Variants in PFAS observed in about 807,000 individuals in gnomAD.
PFAS encodes phosphoribosylformylglycinamidine synthase, also known as FGAM synthase.
PFAS carries 97 observed loss-of-function variants against 140.6 expected under a neutral mutation model. The ratio of observed to expected loss-of-function variants is 0.69; its 90% confidence interval spans 0.59 to 0.82. PFAS has a LOEUF of 0.82. PFAS is among the 40% of genes least tolerant of loss of function. PFAS has a pLI of 0.00. For synonymous variants in PFAS, 679 were observed against 718.8 expected, an observed-to-expected ratio of 0.94 and a Z score of 0.88; for missense variants, 1,656 against 1,780.2, an observed-to-expected ratio of 0.93 and a Z score of 1.26.
chr17:8,253,705 A>C, intron 1 of PFAS, 154 bp from the exon 2 acceptor site: 1 of 346,140 alleles, frequency 2.9e-6, no homozygotes, highest in Non-Finnish European at 5.0e-6. Flanking sequence ...ACACCCAGCT[A>C]ATTTTATATT....
rs1309505531 is a variant in PFAS at position 8,255,710 on chromosome 17, A to C, written c.574+19A>C. 3 of 1,592,174 alleles carry C rather than the reference A, an allele frequency of 1.9e-6. No homozygotes were observed. The highest frequency in any genetic ancestry group is 2.7e-5 in the African/African-American group (2 of 73,884). ...GAGCTTGGTGAGTAGCTGGGGAGGG[A>C]GATGTAGGGTCCAGGATAGGCCAGT... is the stretch of plus-strand genomic sequence containing the variant. On this transcript the variant is annotated intron_variant, in intron 5 of 27. Coordinates refer to ENST00000314666, the MANE Select transcript of PFAS (RefSeq NM_012393.3).
chr17:8,269,319 C>T lies in PFAS; in HGVS notation c.*55C>T. The T allele has an allele frequency of 3.1e-6, 4 of 1,295,740 alleles. No homozygotes were observed. In the South Asian group the frequency reaches 4.1e-5, roughly 13 times the overall value. 80.3% of individuals were successfully genotyped at this position (1,295,740 alleles called of 1,614,324 possible). A position where few individuals can be genotyped will look rare whatever the true frequency, so the allele number is the denominator to read the frequency against. Reference sequence around the variant, plus strand: ...GGCTTTTCACCTAAGTGGGTCCTGCCCCCTCCCCCATGACCTTCAGGAGCA... The same window carrying T: ...GGCTTTTCACCTAAGTGGGTCCTGCTCCCTCCCCCATGACCTTCAGGAGCA... On this transcript the variant is annotated 3_prime_UTR_variant, in exon 28 of 28. Coordinates refer to ENST00000314666, the MANE Select transcript of PFAS (RefSeq NM_012393.3).
rs1409707484 is a variant in PFAS at position 8,264,495 on chromosome 17, C to A, written c.1943C>A (p.Pro648His). The A allele has an allele frequency of 6.2e-7, 1 of 1,613,712 alleles. No homozygotes were observed. Among genetic ancestry groups the A allele is most frequent in the Non-Finnish European group, 8.5e-7 (1 of 1,179,934 alleles). Residue 648 changes from proline to histidine, a missense_variant, in exon 17 of 28, where the codon CCC becomes CAC. By Grantham distance (77) the Pro-to-His change is moderately conservative (BLOSUM62 -2). Coordinates refer to ENST00000314666, the MANE Select transcript of PFAS (RefSeq NM_012393.3). The part of the protein sequence containing the change: ...RKEFFLQRKP[P>H]MLQPLALPPG... Reference sequence around the variant, plus strand: ...GAGTTCTTCCTGCAGAGGAAGCCCCCCATGCTGCAGCCTCTGGCCTTGCCC... The same window carrying A: ...GAGTTCTTCCTGCAGAGGAAGCCCCACATGCTGCAGCCTCTGGCCTTGCCC...
chr17:8,253,827 C>T, intron 1 of PFAS, 32 bp from the exon 2 acceptor site: 1 of 1,444,684 alleles, frequency 6.9e-7, no homozygotes, highest in Non-Finnish European at 9.2e-7. Context: ...ATGTGAGCCA[C>T]CACGCCCGGC....
intron 1 of PFAS, among the ~76,000 whole-genome samples, chr17:8,253,523 A>G (rs976162185): frequency 3.3e-5 from 5 of 152,108 alleles, no homozygotes; most frequent in Non-Finnish European, 5.9e-5. Flanking sequence ...CAGATAGGCC[A>G]TAGTTAATGT....
At chr17:8,260,742 A>G (rs1400029614) in intron 11 of PFAS, among the ~76,000 whole-genome samples, 6 of 152,146 alleles carry the variant, frequency 3.9e-5, no homozygotes, top group African/African-American at 7.2e-5. Flanking sequence ...CTCCTGCCTC[A>G]GCCTCCCGAG....
chr17:8,258,702 A>G (rs998500406), intron 11 of PFAS, among the ~76,000 whole-genome samples: 2 of 152,064 alleles, frequency 1.3e-5, no homozygotes, highest in African/African-American at 4.8e-5. Context: ...TTAGCCAGGC[A>G]TCTGCCGGGC....
At chr17:8,259,372 G>C (rs1422046905) in intron 11 of PFAS, among the ~76,000 whole-genome samples, 3 of 152,130 alleles carry the variant, frequency 2.0e-5, no homozygotes, top group Non-Finnish European at 4.4e-5. Flanking sequence ...CTGGGCTCAA[G>C]CAGTTCTCCT....
rs558716320 is a variant in PFAS at position 8,263,279 on chromosome 17, T to C, written c.1567+14T>C. On this transcript the variant is annotated intron_variant, in intron 13 of 27. Coordinates refer to ENST00000314666, the MANE Select transcript of PFAS (RefSeq NM_012393.3). ...CTGGTGGCAATGGTGAGGAAAGGAG[T>C]TGGAACAAGAGACTGGGCCTGCCTG... The C allele has an allele frequency of 8.1e-6, 13 of 1,613,570 alleles. No individual in the cohort carries two copies. In the African/African-American group the frequency reaches 1.5e-4, roughly 18 times the overall value.
In PFAS at chr17:8,263,829, T is replaced by A; in HGVS notation, c.1684T>A (p.Ser562Thr). ...AATCTGGGGGGCTGAGTACCAGGAA[T>A]CAAATGCTCTTCTGCTGAGGTCCCC... ...LEIWGAEYQE[S>T]NALLLRSPNR... Residue 562 changes from serine (S) to threonine (T), a missense_variant, in exon 15 of 28, where the codon TCA becomes ACA. Physicochemically the swap from Ser to Thr is moderately conservative, Grantham distance 58 (BLOSUM62 1). Coordinates refer to ENST00000314666, the MANE Select transcript of PFAS (RefSeq NM_012393.3). The A allele has an allele frequency of 5.0e-6, 8 of 1,614,080 alleles. No homozygotes were observed. The highest frequency in any genetic ancestry group is 6.8e-6 in the Non-Finnish European group (8 of 1,180,006).
At position 8,257,860 on chromosome 17, in the gene PFAS, C is replaced by T. The variant is rs149125692; in HGVS notation, c.1129C>T (p.Arg377Trp). The T allele has an allele frequency of 5.0e-5, 81 of 1,613,984 alleles. No homozygotes were observed. The East Asian group carries it at 1.4e-3, about 27-fold the overall frequency. ...PSFQYPGNFA[R>W]PLEVAIEASN... ...CTTCCAGTATCCTGGGAATTTTGCC[C>T]GGCCCCTGGAGGTTGCCATTGAAGC... The change falls in exon 10 of 28, where the codon CGG (arginine) becomes TGG (tryptophan). Residue 377 changes from arginine to tryptophan, a missense_variant. By Grantham distance (101) the Arg-to-Trp change is moderately radical (BLOSUM62 -3). Transcript: ENST00000314666.
chr17:8,267,825 A>G lies in PFAS; in HGVS notation c.3382+160A>G, dbSNP rs1989880705. On this transcript the variant is annotated intron_variant, in intron 26 of 27. Coordinates refer to ENST00000314666, the MANE Select transcript of PFAS (RefSeq NM_012393.3). This position sits in a 1 kb window ranked among gnomAD's most constrained non-coding sequence, Gnocchi z 4.9. Reference sequence around the variant, plus strand: ...ACATGCCAACAGAAGGCTGGTAGTAAATTTTTAATTTTTTCATTGAAAAAA... The same window carrying G: ...ACATGCCAACAGAAGGCTGGTAGTAGATTTTTAATTTTTTCATTGAAAAAA... Among the ~76,000 whole-genome samples the G allele has an allele frequency of 6.6e-6, 1 of 150,568 alleles. No individual in the cohort carries two copies.
At chr17:8,260,467 A>T (rs1334606180) in intron 11 of PFAS, among the ~76,000 whole-genome samples, 8 of 152,190 alleles carry the variant, frequency 5.3e-5, no homozygotes, top group Admixed American at 5.2e-4. Context: ...TTGCATCAGT[A>T]CTTTATTTCT....
At chr17:8,256,748 T>G in intron 8 of PFAS, 87 bp from the exon 9 acceptor site, 2 of 1,553,690 alleles carry the variant, frequency 1.3e-6, no homozygotes, top group Non-Finnish European at 8.7e-7. Flanking sequence ...ATCAGGGAAA[T>G]TGGTTGTCCT....
chr17:8,259,712 A>G (rs1989515666), intron 11 of PFAS, among the ~76,000 whole-genome samples: 1 of 152,146 alleles, frequency 6.6e-6, no homozygotes, highest in African/African-American at 2.4e-5. Flanking sequence ...CGCTTGAGCC[A>G]AGGAGCTCAA....
In PFAS at chr17:8,267,033, G is replaced by A; in HGVS notation, c.2973G>A (p.Arg991=). 1 of 1,613,820 alleles carries A rather than the reference G, an allele frequency of 6.2e-7. No homozygotes were observed. Among genetic ancestry groups the A allele is most frequent in the Non-Finnish European group, 8.5e-7 (1 of 1,180,008 alleles). Residue 991 remains arginine (R), a synonymous_variant, in exon 24 of 28, where the codon CGG becomes CGA. Coordinates refer to ENST00000314666, the MANE Select transcript of PFAS (RefSeq NM_012393.3). This position sits in a 1 kb window ranked among gnomAD's most constrained non-coding sequence, Gnocchi z 4.9. ...AGATTTGTTCCTCTTCCTAGGTCCG[G>A]GTGTCAGTGAACGGGGCTGTGGTTC... ...TGEAGPHAMV[R]VSVNGAVVLE...
Position 8,267,960 on chromosome 17 carries a change from A to ATG in PFAS, c.3382+296_3382+297insGT, listed in dbSNP as rs1567647085. On this transcript the variant is annotated intron_variant, in intron 26 of 27. Transcript: ENST00000314666. This position sits in a 1 kb window ranked among gnomAD's most constrained non-coding sequence, Gnocchi z 4.9. ...TATATTATTTATATATTATTAAAAT[A>ATG]TATATTATTTATATATATTATTTAT... Among the ~76,000 whole-genome samples, 96 of 143,760 alleles carry ATG rather than the reference A, an allele frequency of 6.7e-4. No homozygotes were observed. The highest frequency in any genetic ancestry group is 2.3e-3 in the African/African-American group (90 of 39,394). 94.3% of individuals were successfully genotyped at this position (143,760 alleles called of 152,430 possible). A position where few individuals can be genotyped will look rare whatever the true frequency, so the allele number is the denominator to read the frequency against.
rs1213148649 is a variant in PFAS, at chr17:8,266,742, T to G, written c.2822-11T>G. The G allele has an allele frequency of 1.3e-6, 2 of 1,589,486 alleles. No homozygotes were observed. Among genetic ancestry groups the G allele is most frequent in the Non-Finnish European group, 1.7e-6 (2 of 1,169,568 alleles). ...CTTGCATCCCCCTGACTCCCCACATTGCTCTCCCAGTCCTGTCTGTGCTGT... is the reference window on the plus strand; with the variant it reads ...CTTGCATCCCCCTGACTCCCCACATGGCTCTCCCAGTCCTGTCTGTGCTGT... On this transcript the variant is annotated splice_polypyrimidine_tract_variant and intron_variant, in intron 22 of 27. Coordinates refer to ENST00000314666, the MANE Select transcript of PFAS (RefSeq NM_012393.3). The surrounding 1 kb of genome is among the most constrained non-coding windows in gnomAD (Gnocchi z 5.0).
At chr17:8,251,493 C>T (rs1989150732) in intron 1 of PFAS, among the ~76,000 whole-genome samples, 1 of 151,442 alleles carries the variant, frequency 6.6e-6, no homozygotes, top group African/African-American at 2.4e-5. Context: ...ACCATGTTGC[C>T]CAGGGCTGGT....
Sources: allele counts gnomAD v4.1 joint callset (sites outside exome capture counted in the v4.1 genomes callset), GRCh38; gene constraint gnomAD v4.1.1; non-coding constraint Gnocchi (gnomAD v3.1); transcripts MANE v1.5; gene names NCBI Gene and HGNC (gene_info 2026-07-23, HGNC 2026-07-21).